Variants in MEGF8 observed in about 807,000 individuals in gnomAD.
MEGF8 encodes the protein multiple epidermal growth factor-like domains protein 8.
In MEGF8, 156 loss-of-function variants were observed where a neutral mutation model predicts 302.9. The observed-to-expected ratio is 0.52, with a 90% CI of 0.45 to 0.59. The LOEUF (loss-of-function observed/expected upper bound fraction) is 0.59. Among genes scored for constraint, MEGF8 ranks in the 20% least tolerant of loss-of-function variants. The pLI, the probability that MEGF8 is intolerant of heterozygous loss-of-function variation, is 0.00. For synonymous variants in MEGF8, 1,621 were observed against 1,660.5 expected (o/e 0.98, Z 0.58); for missense variants, 3,345 against 3,964.5 (o/e 0.84, Z 4.20).
Position 42,358,990 on chromosome 19 carries a change from G to T in MEGF8, c.5343+36G>T, listed in dbSNP as rs1460176968. 21 of 1,593,538 alleles carry T rather than the reference G, an allele frequency of 1.3e-5. No individual in the cohort carries two copies. Among genetic ancestry groups the T allele is most frequent in the Non-Finnish European group, 1.8e-5 (21 of 1,170,332 alleles). On this transcript the variant is annotated intron_variant, in intron 30 of 41. Transcript: ENST00000251268. The surrounding 1 kb of genome is among the most constrained non-coding windows in gnomAD (Gnocchi z 4.4). ...AAGAGGGTTAGGATTGGGTGGGCTG[G>T]TAGGGGGGGATAGGTAGGGAAGTAC...
rs907484286 is a variant in MEGF8 at position 42,376,844 on chromosome 19, C to T, written c.*69C>T. ...GGCCGCCCTGGACTTGGGGTCCCTCCACCTGGGGGCCCCTGGACACTGTCT... is the reference window on the plus strand; with the variant it reads ...GGCCGCCCTGGACTTGGGGTCCCTCTACCTGGGGGCCCCTGGACACTGTCT... On this transcript the variant is annotated 3_prime_UTR_variant, in exon 42 of 42. Transcript: ENST00000251268. The surrounding 1 kb of genome is among the most constrained non-coding windows in gnomAD (Gnocchi z 8.2). The T allele has an allele frequency of 2.9e-6, 4 of 1,403,008 alleles. No homozygotes were observed. The highest frequency in any genetic ancestry group is 6.2e-5 in the Admixed American group (2 of 32,306). 86.9% of individuals were successfully genotyped at this position (1,403,008 alleles called of 1,614,324 possible).
intron 1 of MEGF8, among the ~76,000 whole-genome samples, chr19:42,332,495 G>A (rs1394979415): frequency 2.6e-5 from 4 of 152,084 alleles, no homozygotes; most frequent in Non-Finnish European, 5.9e-5. Context: ...AGCCTCCCAA[G>A]TAGCTGGGAT....
intron 1 of MEGF8, among the ~76,000 whole-genome samples, chr19:42,327,189 ATTG>A (rs377061878): frequency 5.9e-5 from 9 of 152,312 alleles, no homozygotes; most frequent in East Asian, 1.9e-4. Flanking sequence ...CATTAGGATT[ATTG>A]TTGTTGTTAT....
In MEGF8 at chr19:42,334,220, C is replaced by T. The variant is rs373214898; in HGVS notation, c.558+7C>T. 9.9e-5 allele frequency: 157 copies of T among 1,582,560 alleles called. No homozygotes were observed. Among genetic ancestry groups the T allele is most frequent in the Non-Finnish European group, 1.3e-4 (147 of 1,163,942 alleles). On this transcript the variant is annotated splice_region_variant and intron_variant, in intron 3 of 41. Transcript: ENST00000251268. The stretch of plus-strand genomic sequence containing the variant: ...CCACGGCACCTGCGCCTCGGTGAGC[C>T]GGTCCCCAGCCCTGTTTCCCCTGGG...
At chr19:42,335,530 T>C in intron 5 of MEGF8, 145 bp downstream of exon 5, 1 of 704,878 alleles carries the variant, frequency 1.4e-6, no homozygotes, top group Non-Finnish European at 2.4e-6. Context: ...TTCTGCCTTT[T>C]CTCTCCGGTT....
In MEGF8 at chr19:42,357,646, T is replaced by G; in HGVS notation, c.5011+62T>G. On this transcript the variant is annotated intron_variant, in intron 28 of 41. Transcript: ENST00000251268. This position sits in a 1 kb window ranked among gnomAD's most constrained non-coding sequence, Gnocchi z 5.2. ...ACCTCCCGGGCATCTGGGCTTCCTG[T>G]GGGCTCTCCATCCACTGCTGTGCTC... 1.4e-6 allele frequency: 2 copies of G among 1,464,492 alleles called. No individual in the cohort carries two copies. Among genetic ancestry groups the G allele is most frequent in the African/African-American group, 1.4e-5 (1 of 71,524 alleles). 90.7% of individuals were successfully genotyped at this position (1,464,492 alleles called of 1,614,324 possible). A position where few individuals can be genotyped will look rare whatever the true frequency, so the allele number is the denominator to read the frequency against.
At chr19:42,371,208 TG>T in intron 40 of MEGF8, 141 bp from the exon 41 acceptor site, 1 of 1,123,136 alleles carries the variant, frequency 8.9e-7, no homozygotes, top group Non-Finnish European at 1.2e-6. Flanking sequence ...AACTGCTTTG[TG>T]GCCTTGGGCA....
Position 42,354,697 on chromosome 19 carries a change from C to A in MEGF8, c.4121C>A (p.Pro1374His). The A allele has an allele frequency of 6.2e-7, 1 of 1,608,338 alleles. No individual in the cohort carries two copies. Among genetic ancestry groups the A allele is most frequent in the Non-Finnish European group, 8.5e-7 (1 of 1,179,556 alleles). The change falls in exon 23 of 42, where the codon CCC (proline) becomes CAC (histidine). Residue 1374 changes from proline (P) to histidine (H), a missense_variant. Pro to His is a moderately conservative substitution (Grantham distance 77). Coordinates refer to ENST00000251268, the MANE Select transcript of MEGF8 (RefSeq NM_001271938.2). The surrounding 1 kb of genome is among the most constrained non-coding windows in gnomAD (Gnocchi z 4.3). The stretch of plus-strand genomic sequence containing the variant: ...TTCTGCGGCCAGCGACGGGACAGGC[C>A]CCTCACTGTTCAGGCCCTGTCTGGT... ...AAFCGQRRDR[P>H]LTVQALSGLL...
At chr19:42,338,206 A>G (rs1186755826) in intron 8 of MEGF8, among the ~76,000 whole-genome samples, 1 of 150,828 alleles carries the variant, frequency 6.6e-6, no homozygotes, top group Non-Finnish European at 1.5e-5. Flanking sequence ...TTCATCACCC[A>G]GGTATTAAGC....
In MEGF8 at chr19:42,359,203, C is replaced by G. The variant is rs1159767707; in HGVS notation, c.5449C>G (p.Gln1817Glu). The G allele has an allele frequency of 3.1e-6, 5 of 1,600,210 alleles. No homozygotes were observed. The highest frequency in any genetic ancestry group is 1.3e-5 in the African/African-American group (1 of 74,152). ...DEFSSDVLLY[Q>E]VNCNAWLLPD... ...GTTCAGCAGCGACGTTCTGCTCTAC[C>G]AGGTCAACTGCAATGCCTGGCTTCT... The change falls in exon 31 of 42, where the codon CAG (glutamine) becomes GAG (glutamate). Residue 1817 changes from glutamine (Q) to glutamate (E), a missense_variant. Coordinates refer to ENST00000251268, the MANE Select transcript of MEGF8 (RefSeq NM_001271938.2).
Position 42,368,448 on chromosome 19 carries a change from C to CA in MEGF8, c.6274-6dup. The CA allele has an allele frequency of 6.3e-7, 1 of 1,597,318 alleles. No individual in the cohort carries two copies. Among genetic ancestry groups the CA allele is most frequent in the Non-Finnish European group, 8.5e-7 (1 of 1,172,554 alleles). ...CCCTGCATCCCCATCCCCTCCCCCC[C>CA]ATACAGTGTCTGAGCCCTTCCTACC... On this transcript the variant is annotated splice_region_variant and splice_polypyrimidine_tract_variant and intron_variant, in intron 35 of 41. Coordinates refer to ENST00000251268, the MANE Select transcript of MEGF8 (RefSeq NM_001271938.2). The surrounding 1 kb of genome is among the most constrained non-coding windows in gnomAD (Gnocchi z 4.9).
At chr19:42,333,957 G>A (rs971112355) in intron 2 of MEGF8, 50 bp from the exon 3 acceptor site, 1 of 1,576,282 alleles carries the variant, frequency 6.3e-7, no homozygotes, top group Non-Finnish European at 8.6e-7. Flanking sequence ...ACCCTCCCAG[G>A]ACAATCCCCA....
intron 1 of MEGF8, among the ~76,000 whole-genome samples, chr19:42,330,784 G>C (rs896735074): frequency 4.6e-5 from 7 of 152,184 alleles, no homozygotes; most frequent in Non-Finnish European, 7.4e-5. Flanking sequence ...TGGGATGTGA[G>C]AACCCTGGAG....
At chr19:42,341,929 G>T (rs555222355) in intron 8 of MEGF8, among the ~76,000 whole-genome samples, 3 of 152,182 alleles carry the variant, frequency 2.0e-5, no homozygotes, top group Admixed American at 6.5e-5. Context: ...CTTCGGGGAC[G>T]TGTGGGCTTC....
In MEGF8 at chr19:42,375,716, G is replaced by C; in HGVS notation, c.7479G>C (p.Leu2493=). Residue 2493 remains leucine, a synonymous_variant, in exon 42 of 42, where the codon CTG becomes CTC. Transcript: ENST00000251268. This position sits in a 1 kb window ranked among gnomAD's most constrained non-coding sequence, Gnocchi z 7.1. ...CCAACGTGGACATCCGCCTGACGCT[G>C]GACGTGACCTTCGGGGCCGTGGACC... The part of the protein sequence containing the change: ...KFTNVDIRLT[L]DVTFGAVDLY... 6.2e-7 allele frequency: 1 copy of C among 1,611,878 alleles called. No individual in the cohort carries two copies. Among genetic ancestry groups the C allele is most frequent in the Non-Finnish European group, 8.5e-7 (1 of 1,179,346 alleles).
chr19:42,333,530 A>T, intron 1 of MEGF8, 75 bp from the exon 2 acceptor site: 1 of 1,471,214 alleles, frequency 6.8e-7, no homozygotes. Flanking sequence ...TTTGGTGTAC[A>T]ATTGTGGGAG....
In MEGF8 at chr19:42,344,305, C is replaced by T; in HGVS notation, c.1789-136C>T. On this transcript the variant is annotated intron_variant, in intron 10 of 41. Transcript: ENST00000251268. This position sits in a 1 kb window ranked among gnomAD's most constrained non-coding sequence, Gnocchi z 4.5. ...CCCGCATCCCCCGTCCTCTGGATCT[C>T]CCACATTCCAAGTCAACTCCCCGTT... 8.8e-7 allele frequency: 1 copy of T among 1,142,012 alleles called. No individual in the cohort carries two copies. Among genetic ancestry groups the T allele is most frequent in the East Asian group, 3.5e-5 (1 of 28,204 alleles). The allele number at this position is 1,142,012 out of a possible 1,614,324, so 70.7% of individuals were successfully genotyped here. A position where few individuals can be genotyped will look rare whatever the true frequency, so the allele number is the denominator to read the frequency against.
chr19:42,366,246 G>A (rs191694845), intron 35 of MEGF8, among the ~76,000 whole-genome samples: 8 of 152,278 alleles, frequency 5.3e-5, no homozygotes, highest in African/African-American at 1.9e-4. Context: ...TGTCGCCCAG[G>A]CTGTAGTGCA....
At chr19:42,346,008 C>T (rs2039284325) in intron 12 of MEGF8, among the ~76,000 whole-genome samples, 1 of 152,168 alleles carries the variant, frequency 6.6e-6, no homozygotes, top group Non-Finnish European at 1.5e-5. Context: ...TCAAGTGATT[C>T]TCCTGCCTCA....
Sources: gnomAD v4.1 joint callset for allele counts (sites outside exome capture counted in the v4.1 genomes callset) on GRCh38, gnomAD v4.1.1 for gene constraint, Gnocchi (gnomAD v3.1) non-coding constraint, MANE v1.5 for transcripts, NCBI Gene and HGNC (gene_info 2026-07-23, HGNC 2026-07-21) for gene names.